Variants in PIBF1 observed in about 807,000 individuals in gnomAD.
PIBF1 encodes the protein progesterone immunomodulatory binding factor 1.
A neutral mutation model predicts 112.5 loss-of-function variants in PIBF1; 90 were observed. The observed-to-expected ratio is 0.80, with a 90% CI of 0.67 to 0.95. The LOEUF (loss-of-function observed/expected upper bound fraction) is 0.95, where lower values mean the gene tolerates loss of function less well. Among genes scored for constraint, PIBF1 ranks in the 40% least tolerant of loss-of-function variants. The pLI is 0.00. For missense variants in PIBF1, 915 were observed against 852.3 expected, an observed-to-expected ratio of 1.07 and a Z score of -0.92; for synonymous variants, 301 against 288.6, an observed-to-expected ratio of 1.04 and a Z score of -0.44.
intron 10 of PIBF1, among the ~76,000 whole-genome samples, chr13:72,876,270 T>C (rs987378284): frequency 6.6e-6 from 1 of 151,080 alleles, no homozygotes; most frequent in East Asian, 2.0e-4. Flanking sequence ...TTCAGGGCTC[T>C]CTATTCTGTT....
intron 8 of PIBF1, 63 bp from the exon 9 acceptor site, chr13:72,835,180 A>G (rs1164274648): frequency 8.1e-7 from 1 of 1,237,794 alleles, no homozygotes; most frequent in Non-Finnish European, 1.1e-6. Context: ...AATCTTACGT[A>G]CAGTGCAAAA....
intron 10 of PIBF1, among the ~76,000 whole-genome samples, chr13:72,868,625 G>T (rs1351486207): frequency 6.6e-6 from 1 of 152,082 alleles, no homozygotes; most frequent in Non-Finnish European, 1.5e-5. Flanking sequence ...TGATTAAGAA[G>T]TAAGTCAGCA....
At chr13:72,917,714 C>T (rs1014571561) in intron 13 of PIBF1, among the ~76,000 whole-genome samples, 1 of 152,152 alleles carries the variant, frequency 6.6e-6, no homozygotes, top group Admixed American at 6.5e-5. Context: ...CAACCAACCG[C>T]TTATCAAAAA....
intron 9 of PIBF1, among the ~76,000 whole-genome samples, chr13:72,836,472 A>G (rs920648866): frequency 6.6e-6 from 1 of 152,188 alleles, no homozygotes; most frequent in Non-Finnish European, 1.5e-5. Context: ...CCAGGAAAAA[A>G]AAGCTGCTGT....
intron 12 of PIBF1, among the ~76,000 whole-genome samples, chr13:72,909,928 A>G (rs2875643): frequency 6.6e-6 from 1 of 151,858 alleles, no homozygotes; most frequent in Non-Finnish European, 1.5e-5. Flanking sequence ...ACGTTAATAA[A>G]TATTTTAAAT....
chr13:73,011,653 G>A (rs970537112), intron 17 of PIBF1, among the ~76,000 whole-genome samples: 13 of 152,026 alleles, frequency 8.6e-5, no homozygotes, highest in African/African-American at 3.1e-4. Context: ...TATTCCAGAG[G>A]CACACTCTAA....
chr13:72,932,310 C>T (rs1342814697), intron 14 of PIBF1, among the ~76,000 whole-genome samples: 1 of 152,254 alleles, frequency 6.6e-6, no homozygotes, highest in Admixed American at 6.5e-5. Context: ...TCAAGTCATA[C>T]ATTAAATAAC....
At chr13:72,792,085 C>T (rs1219498767) in intron 2 of PIBF1, among the ~76,000 whole-genome samples, 1 of 152,020 alleles carries the variant, frequency 6.6e-6, no homozygotes, top group Non-Finnish European at 1.5e-5. Flanking sequence ...CACTTGAGGT[C>T]AGGAGTTCAA....
At chr13:72,813,591 G>A (rs893706044) in intron 5 of PIBF1, among the ~76,000 whole-genome samples, 4 of 152,116 alleles carry the variant, frequency 2.6e-5, no homozygotes, top group African/African-American at 9.7e-5. Flanking sequence ...TTTTGCACTT[G>A]GCCTCTTCAT....
intron 14 of PIBF1, among the ~76,000 whole-genome samples, chr13:72,938,809 T>G (rs564755161): frequency 7.4e-4 from 113 of 152,334 alleles, no homozygotes; most frequent in African/African-American, 2.5e-3. Context: ...GTTCCAATTT[T>G]TCCACATCCT....
intron 5 of PIBF1, among the ~76,000 whole-genome samples, chr13:72,811,242 T>C (rs1237544912): frequency 6.6e-6 from 1 of 152,298 alleles, no homozygotes; most frequent in Admixed American, 6.5e-5. Context: ...TTTTAAGCTA[T>C]TTTTGTTAAC....
At chr13:72,880,447 AAC>A (rs2039578826) in intron 10 of PIBF1, among the ~76,000 whole-genome samples, 1 of 152,254 alleles carries the variant, frequency 6.6e-6, no homozygotes, top group Admixed American at 6.5e-5. Flanking sequence ...TTGAATGTTT[AAC>A]ACATAGTGCT....
At chr13:72,973,531 T>C (rs2042949851) in intron 15 of PIBF1, 60 bp from the exon 16 acceptor site, 2 of 791,432 alleles carry the variant, frequency 2.5e-6, no homozygotes, top group African/African-American at 1.8e-5. Flanking sequence ...ATATTTACCA[T>C]TTATTAACTA....
intron 17 of PIBF1, among the ~76,000 whole-genome samples, chr13:73,014,342 C>T (rs1453968299): frequency 1.3e-5 from 2 of 152,096 alleles, no homozygotes; most frequent in Non-Finnish European, 1.5e-5. Flanking sequence ...GCCAGCATTG[C>T]CCTAATTCCA....
At chr13:72,788,050 A>T (rs1420793464) in intron 2 of PIBF1, among the ~76,000 whole-genome samples, 1 of 152,358 alleles carries the variant, frequency 6.6e-6, no homozygotes, top group East Asian at 1.9e-4. Context: ...CTTATTGAGC[A>T]TCGTATGCTA....
At chr13:72,803,313 A>T (rs1176057900) in intron 5 of PIBF1, among the ~76,000 whole-genome samples, 1 of 150,580 alleles carries the variant, frequency 6.6e-6, no homozygotes, top group East Asian at 2.0e-4. Flanking sequence ...TTAAAATCAC[A>T]TTGTAACCAT....
intron 6 of PIBF1, among the ~76,000 whole-genome samples, chr13:72,823,246 A>C (rs1255739875): frequency 4.6e-5 from 7 of 152,248 alleles, no homozygotes; most frequent in Non-Finnish European, 8.8e-5. Flanking sequence ...CAGTCATCAG[A>C]ATAATCCATC....
chr13:72,811,176 A>G (rs1161241829), intron 5 of PIBF1, among the ~76,000 whole-genome samples: 1 of 152,214 alleles, frequency 6.6e-6, no homozygotes, highest in Non-Finnish European at 1.5e-5. Context: ...TCAATTTTTA[A>G]TAAACAACCC....
At chr13:72,782,835 A>G (rs1374697858) in intron 1 of PIBF1, among the ~76,000 whole-genome samples, 1 of 151,302 alleles carries the variant, frequency 6.6e-6, no homozygotes, top group Non-Finnish European at 1.5e-5. Context: ...ATCCAACCCT[A>G]TTTTGACATT....
Sources: gnomAD v4.1 joint callset for allele counts (sites outside exome capture counted in the v4.1 genomes callset) on GRCh38, gnomAD v4.1.1 for gene constraint, MANE v1.5 for transcripts, NCBI Gene and HGNC (gene_info 2026-07-23, HGNC 2026-07-21) for gene names.